ABCG5: variants seen among roughly 807,000 people sequenced by gnomAD.
The protein encoded by ABCG5 is ATP-binding cassette sub-family G member 5.
ABCG5 carries 64 observed loss-of-function variants against 64.5 expected under a neutral mutation model. The observed-to-expected ratio is 0.99, with a 90% CI of 0.81 to 1.22. The LOEUF (loss-of-function observed/expected upper bound fraction) is 1.22. ABCG5 is among the 50% of genes most tolerant of loss of function. ABCG5 has a pLI of 0.00. For synonymous variants in ABCG5, 385 were observed against 326.3 expected, an observed-to-expected ratio of 1.18 and a Z score of -1.94; for missense variants, 908 against 829.5, an observed-to-expected ratio of 1.09 and a Z score of -1.16.
chr2:43,833,029 C>T (rs1445269587), intron 2 of ABCG5, among the ~76,000 whole-genome samples: 1 of 152,094 alleles, frequency 6.6e-6, no homozygotes. Context: ...AGGCTGGTCT[C>T]GACCTCCTGA....
At chr2:43,811,259 C>T (rs1666470625), downstream of ABCG5, among the ~76,000 whole-genome samples, 1 of 152,310 alleles carries the variant, frequency 6.6e-6, no homozygotes, top group Middle Eastern at 3.4e-3. Flanking sequence ...GTAACTATTA[C>T]ACCATAATCA....
Position 43,822,794 on chromosome 2 carries a change from C to A in ABCG5, c.1463+3G>T. The stretch of plus-strand genomic sequence containing the variant: ...GCCCTGGGTGAACTGAACAACCCCT[C>A]ACCAGTAGCACACACTGCTGAAAAT... On this transcript the variant is annotated splice_donor_region_variant and intron_variant, in intron 10 of 12. Coordinates refer to ENST00000405322, the MANE Select transcript of ABCG5 (RefSeq NM_022436.3). 1 of 1,614,164 alleles carries A rather than the reference C, an allele frequency of 6.2e-7. No homozygotes were observed. Among genetic ancestry groups the A allele is most frequent in the South Asian group, 1.1e-5 (1 of 91,076 alleles).
rs184633487 is a variant in ABCG5, at chr2:43,818,485, G to C, written c.1649+1430C>G. On this transcript the variant is annotated intron_variant, in intron 11 of 12. Coordinates refer to ENST00000405322, the MANE Select transcript of ABCG5 (RefSeq NM_022436.3). ...AAACAAAATACGGTTTCTACAGAAC[G>C]AGTATCACTTTCTCAAAAAATCATA... Among the ~76,000 whole-genome samples, 184 of 152,202 alleles carry C rather than the reference G, an allele frequency of 1.2e-3. 1 individual carries two copies. The highest frequency in any genetic ancestry group is 9.8e-3 in the Admixed American group (150 of 15,286).
Position 43,838,369 on chromosome 2 carries a change from C to A in ABCG5, c.143+168G>T. 1.4e-6 allele frequency: 1 copy of A among 691,388 alleles called. No individual in the cohort carries two copies. The highest frequency in any genetic ancestry group is 2.4e-6 in the Non-Finnish European group (1 of 417,970). The allele number at this position is 691,388 out of a possible 1,614,324, so 42.8% of individuals were successfully genotyped here. A position where few individuals can be genotyped will look rare whatever the true frequency, so the allele number is the denominator to read the frequency against. On this transcript the variant is annotated intron_variant, in intron 1 of 12. Coordinates refer to ENST00000405322, the MANE Select transcript of ABCG5 (RefSeq NM_022436.3). The surrounding 1 kb of genome is among the most constrained non-coding windows in gnomAD (Gnocchi z 4.2). ...GGGGAGGGGCCATTCACTGTCGCTC[C>A]ATGTTTCCCAGCACAGCCCTTCTCC...
chr2:43,839,167 A>G (rs1037535033), upstream of ABCG5: 2 of 1,539,066 alleles, frequency 1.3e-6, no homozygotes, highest in Non-Finnish European at 1.8e-6. Context: ...GGTAGGAGAA[A>G]TCAAACCTTT....
chr2:43,811,785 G>A (rs1003102088), downstream of ABCG5, among the ~76,000 whole-genome samples: 7 of 151,932 alleles, frequency 4.6e-5, no homozygotes, highest in African/African-American at 1.5e-4. Flanking sequence ...TAGTAGAGAC[G>A]GGGTTTCACC....
intron 6 of ABCG5, among the ~76,000 whole-genome samples, chr2:43,825,480 AG>A: frequency 6.6e-6 from 1 of 152,330 alleles, no homozygotes; most frequent in African/African-American, 2.4e-5. Flanking sequence ...TTTTTTTGGA[AG>A]GAAATCAGTA....
At chr2:43,816,326 C>T (rs149552972) in intron 11 of ABCG5, among the ~76,000 whole-genome samples, 4 of 152,166 alleles carry the variant, frequency 2.6e-5, no homozygotes, top group Admixed American at 1.3e-4. Flanking sequence ...AAAGGAAGAC[C>T]GTGACAGGAA....
the ABCG5 span, among the ~76,000 whole-genome samples, chr2:43,806,402 C>T: frequency 6.6e-6 from 1 of 152,214 alleles, no homozygotes; most frequent in African/African-American, 2.4e-5. Flanking sequence ...TCAGTATTCA[C>T]CTTCGGGGGC....
chr2:43,813,262 G>C lies in ABCG5; in HGVS notation c.1810C>G (p.Gln604Glu), dbSNP rs6720173. The C allele has an allele frequency of 0.18, 290,088 of 1,612,154 alleles. 28,676 individuals are homozygous for C. The highest frequency in any genetic ancestry group is 0.33 in the Admixed American group (19,674 of 59,936). The change falls in exon 13 of 13, where the codon CAA becomes GAA. Residue 604 changes from glutamine to glutamate, a missense_variant. Gln to Glu is a conservative substitution (Grantham distance 29). Transcript: ENST00000405322. Reference sequence around the variant, plus strand: ...GTTTTCTCAATGAATTGAATTCCTTGAGTGAAGGCACACATTGGATTAGTT... The same window carrying C: ...GTTTTCTCAATGAATTGAATTCCTTCAGTGAAGGCACACATTGGATTAGTT... Reference protein sequence around the residue: ...VTTNPMCAFTQGIQFIEKTCP... With the variant: ...VTTNPMCAFTEGIQFIEKTCP...
chr2:43,836,093 G>C (rs1035490122), intron 2 of ABCG5, among the ~76,000 whole-genome samples: 4 of 151,964 alleles, frequency 2.6e-5, no homozygotes, highest in African/African-American at 9.7e-5. Flanking sequence ...CCTGCCACCA[G>C]GCCTGGCTAA....
Position 43,814,690 on chromosome 2 carries a change from T to C in ABCG5, c.1650-101A>G, listed in dbSNP as rs1350961283. ...CTTATATTTTCCAACAGGAATATAG[T>C]TTTCTATCTCCTTATTATAAAAATG... On this transcript the variant is annotated intron_variant, in intron 11 of 12. Transcript: ENST00000405322. The C allele has an allele frequency of 8.8e-6, 6 of 684,552 alleles. No homozygotes were observed. The East Asian group carries it at 1.6e-4, about 19-fold the overall frequency. 42.4% of individuals were successfully genotyped at this position (684,552 alleles called of 1,614,324 possible). A position where few individuals can be genotyped will look rare whatever the true frequency, so the allele number is the denominator to read the frequency against.
intron 2 of ABCG5, among the ~76,000 whole-genome samples, chr2:43,837,567 T>G (rs1321434391): frequency 6.6e-6 from 1 of 152,070 alleles, no homozygotes; most frequent in East Asian, 1.9e-4. Flanking sequence ...AAATTGTGTT[T>G]CCTGAGTACT....
intron 5 of ABCG5, 63 bp downstream of exon 5, chr2:43,827,920 G>C: frequency 2.5e-6 from 4 of 1,606,748 alleles, no homozygotes; most frequent in Non-Finnish European, 3.4e-6. Flanking sequence ...AGGGCCCAAA[G>C]TATCTGCACA....
chr2:43,833,900 T>A (rs1188534179), intron 2 of ABCG5, among the ~76,000 whole-genome samples: 4 of 151,576 alleles, frequency 2.6e-5, no homozygotes, highest in African/African-American at 9.7e-5. Flanking sequence ...GCCAGGCTGG[T>A]CTTGAACTCC....
intron 2 of ABCG5, 129 bp downstream of exon 2, chr2:43,837,705 C>G (rs1278953151): frequency 1.6e-6 from 2 of 1,267,034 alleles, no homozygotes; most frequent in African/African-American, 2.9e-5. Flanking sequence ...GTTCCATTCA[C>G]AGTCAGATAT....
chr2:43,816,010 T>C (rs929758092), intron 11 of ABCG5, among the ~76,000 whole-genome samples: 1 of 151,700 alleles, frequency 6.6e-6, no homozygotes, highest in Non-Finnish European at 1.5e-5. Flanking sequence ...GGCTGCCTAG[T>C]GGCTAGGGTG....
At position 43,825,154 on chromosome 2, in the gene ABCG5, C is replaced by T. The variant is rs893491597; in HGVS notation, c.775-136G>A. The T allele has an allele frequency of 2.8e-6, 3 of 1,067,730 alleles. No individual in the cohort carries two copies. The African/African-American group carries it at 4.8e-5, about 17-fold the overall frequency. 66.1% of individuals were successfully genotyped at this position (1,067,730 alleles called of 1,614,324 possible). A position where few individuals can be genotyped will look rare whatever the true frequency, so the allele number is the denominator to read the frequency against. ...CAAGTCCTTATGGGAAATGCATTTC[C>T]CATAAGCAGTCAGTCCTTCGATGAC... On this transcript the variant is annotated intron_variant, in intron 6 of 12. Coordinates refer to ENST00000405322, the MANE Select transcript of ABCG5 (RefSeq NM_022436.3).
chr2:43,828,486 A>AC (rs1667765703), intron 4 of ABCG5: 1 of 382,734 alleles, frequency 2.6e-6, no homozygotes. Context: ...AAAAAAAAAA[A>AC]AAAAAAAGAA....
Sources: allele counts gnomAD v4.1 joint callset (sites outside exome capture counted in the v4.1 genomes callset), GRCh38; gene constraint gnomAD v4.1.1; non-coding constraint Gnocchi (gnomAD v3.1); transcripts MANE v1.5; gene names NCBI Gene and HGNC (gene_info 2026-07-23, HGNC 2026-07-21).